Variants in PPM1B observed in about 807,000 individuals in gnomAD.
PPM1B encodes the protein protein phosphatase, Mg2+/Mn2+ dependent 1B, also known as protein phosphatase 1B.
In PPM1B, 22 loss-of-function variants were observed where a neutral mutation model predicts 43.0. The observed-to-expected ratio is 0.51, with a 90% confidence interval of 0.37 to 0.73. The LOEUF is 0.73. PPM1B is among the 30% of genes least tolerant of loss of function. PPM1B has a pLI of 0.00. For missense variants in PPM1B, 632 were observed against 584.2 expected, an observed-to-expected ratio of 1.08 and a Z score of -0.84; for synonymous variants, 217 against 197.9, an observed-to-expected ratio of 1.10 and a Z score of -0.81.
chr2:44,187,117 A>G (rs1668162239), intron 1 of PPM1B, among the ~76,000 whole-genome samples: 1 of 152,198 alleles, frequency 6.6e-6, no homozygotes, highest in Non-Finnish European at 1.5e-5. Flanking sequence ...CATGGTAACT[A>G]TCACTCTGCT....
chr2:44,244,096 C>T (rs1294519322), intron 5 of PPM1B: 2 of 244,618 alleles, frequency 8.2e-6, no homozygotes, highest in African/African-American at 2.3e-5. Context: ...GATGAGTGAA[C>T]CCCCCTCCTC....
At chr2:44,186,236 T>A (rs1409669453) in intron 1 of PPM1B, among the ~76,000 whole-genome samples, 1 of 152,252 alleles carries the variant, frequency 6.6e-6, no homozygotes, top group African/African-American at 2.4e-5. Context: ...ATCTACACAT[T>A]GTCTAGGAAC....
intron 4 of PPM1B, 34 bp from the exon 5 acceptor site, chr2:44,218,446 T>C (rs1466118972): frequency 2.7e-6 from 4 of 1,494,290 alleles, no homozygotes; most frequent in Non-Finnish European, 3.7e-6. Context: ...TTCTGTGTAA[T>C]TTAATAAAAC....
At chr2:44,233,891 G>T, downstream of PPM1B, 3 of 985,412 alleles carry the variant, frequency 3.0e-6, no homozygotes, top group Non-Finnish European at 3.6e-6. Context: ...ACTGGGTTTG[G>T]GGGGTTGTTA....
chr2:44,187,214 C>T (rs768625694), intron 1 of PPM1B, among the ~76,000 whole-genome samples: 1 of 152,098 alleles, frequency 6.6e-6, no homozygotes, highest in Non-Finnish European at 1.5e-5. Context: ...ACATGTTGTC[C>T]ATGTTGTAGC....
chr2:44,188,747 C>CTTCCTTCCTTCCTTCT, intron 1 of PPM1B, among the ~76,000 whole-genome samples: 1 of 148,316 alleles, frequency 6.7e-6, no homozygotes, highest in South Asian at 2.2e-4. Context: ...TCTTTCCTTC[C>CTTCCTTCCTTCCTTCT]TTCCTTCCTT....
chr2:44,189,509 G>A (rs1668301719), intron 1 of PPM1B, among the ~76,000 whole-genome samples: 1 of 151,776 alleles, frequency 6.6e-6, no homozygotes, highest in African/African-American at 2.4e-5. Context: ...CTGTTGCCAG[G>A]CTGGAGTGCA....
chr2:44,209,641 G>A (rs965327111), intron 3 of PPM1B, among the ~76,000 whole-genome samples: 1 of 152,108 alleles, frequency 6.6e-6, no homozygotes, highest in Non-Finnish European at 1.5e-5. Context: ...GCCGGGCATG[G>A]TGGCACACAC....
intron 1 of PPM1B, among the ~76,000 whole-genome samples, chr2:44,171,207 A>T (rs1667324880): frequency 6.6e-6 from 1 of 152,170 alleles, no homozygotes; most frequent in African/African-American, 2.4e-5. Flanking sequence ...GATTTCTGTG[A>T]AGACTCTAGG....
chr2:44,230,993 AAATT>A lies in PPM1B; in HGVS notation c.*279_*282del, dbSNP rs1670448152. On this transcript the variant is annotated 3_prime_UTR_variant, in exon 6 of 6. Transcript: ENST00000282412. ...CAATTATGAATTAAAGTCAGTAGTTAAATTAATACTAGATAGAATTAGAAATTTT... is the reference window on the plus strand; with the variant it reads ...CAATTATGAATTAAAGTCAGTAGTTAAATACTAGATAGAATTAGAAATTTT... 3 of 1,029,470 alleles carry A rather than the reference AAATT, an allele frequency of 2.9e-6. No individual in the cohort carries two copies. 63.8% of individuals were successfully genotyped at this position (1,029,470 alleles called of 1,614,324 possible). A position where few individuals can be genotyped will look rare whatever the true frequency, so the allele number is the denominator to read the frequency against.
chr2:44,181,700 G>A (rs2104022680), intron 1 of PPM1B, among the ~76,000 whole-genome samples: 1 of 152,298 alleles, frequency 6.6e-6, no homozygotes, highest in East Asian at 1.9e-4. Flanking sequence ...AAATAGGTGG[G>A]TAGGCATATG....
At chr2:44,177,348 A>G (rs1667627131) in intron 1 of PPM1B, among the ~76,000 whole-genome samples, 2 of 152,020 alleles carry the variant, frequency 1.3e-5, no homozygotes, top group Non-Finnish European at 2.9e-5. Context: ...TCCTAAACTT[A>G]AGGAAATTGA....
chr2:44,226,387 T>C (rs1038423381), intron 5 of PPM1B, among the ~76,000 whole-genome samples: 19 of 152,214 alleles, frequency 1.2e-4, no homozygotes, highest in Non-Finnish European at 1.8e-4. Context: ...AGAGGTACTT[T>C]ATCTGTTGAA....
intron 1 of PPM1B, among the ~76,000 whole-genome samples, chr2:44,192,580 A>G (rs1162167747): frequency 1.3e-5 from 2 of 152,244 alleles, no homozygotes; most frequent in Non-Finnish European, 2.9e-5. Context: ...TGTATTAGGT[A>G]TAAAATGATG....
intron 1 of PPM1B, among the ~76,000 whole-genome samples, chr2:44,194,457 C>A (rs1052632447): frequency 6.6e-6 from 1 of 152,170 alleles, no homozygotes; most frequent in South Asian, 2.1e-4. Flanking sequence ...GGCGTGTTGG[C>A]TCATGCCTGT....
At chr2:44,220,186 C>A (rs879579529) in intron 5 of PPM1B, among the ~76,000 whole-genome samples, 3 of 151,740 alleles carry the variant, frequency 2.0e-5, no homozygotes, top group Non-Finnish European at 2.9e-5. Context: ...GTTATTGATT[C>A]ATTATTAGCC....
chr2:44,180,750 A>G (rs979065524), intron 1 of PPM1B, among the ~76,000 whole-genome samples: 5 of 152,034 alleles, frequency 3.3e-5, no homozygotes, highest in Non-Finnish European at 7.4e-5. Flanking sequence ...AGCTAGGACT[A>G]CAGGCGTGGG....
intron 3 of PPM1B, among the ~76,000 whole-genome samples, chr2:44,215,669 C>T (rs371841272): frequency 6.6e-6 from 1 of 151,984 alleles, no homozygotes; most frequent in Non-Finnish European, 1.5e-5. Context: ...AGTAGTTCAC[C>T]TGAATTGATG....
intron 1 of PPM1B, among the ~76,000 whole-genome samples, chr2:44,190,708 A>T (rs1309580235): frequency 6.6e-6 from 1 of 152,190 alleles, no homozygotes; most frequent in Non-Finnish European, 1.5e-5. Context: ...ATTTTGGCTA[A>T]ACAGTTTCTG....
Sources: gnomAD v4.1 joint callset for allele counts (sites outside exome capture counted in the v4.1 genomes callset) on GRCh38, gnomAD v4.1.1 for gene constraint, MANE v1.5 for transcripts, NCBI Gene and HGNC (gene_info 2026-07-23, HGNC 2026-07-21) for gene names.